The following FOLH1 variants were observed in gnomAD, a reference collection of about 807,000 sequenced individuals.
FOLH1 encodes folate hydrolase 1, also known as glutamate carboxypeptidase 2.
In FOLH1, 54 loss-of-function variants were observed where a neutral mutation model predicts 93.9. The ratio of observed to expected loss-of-function variants is 0.57; its 90% CI spans 0.46 to 0.72. The LOEUF is 0.72. Ranked by LOEUF, FOLH1 falls within the 30% of genes least tolerant of loss-of-function variation. The pLI, the probability that FOLH1 is intolerant of heterozygous loss-of-function variation, is 0.00. For missense variants in FOLH1, 571 were observed against 892.5 expected (o/e 0.64, Z 4.59); for synonymous variants, 249 against 303.6 (o/e 0.82, Z 1.87).
At chr11:49,205,066 T>C (rs1461908262) in intron 2 of FOLH1, among the ~76,000 whole-genome samples, 1 of 151,826 alleles carries the variant, frequency 6.6e-6, no homozygotes, top group African/African-American at 2.4e-5. Context: ...CAAAATTAGC[T>C]GGGTGTGGTG....
chr11:49,159,179 T>C (rs1056607132), intron 13 of FOLH1, among the ~76,000 whole-genome samples: 1 of 152,134 alleles, frequency 6.6e-6, no homozygotes, highest in Non-Finnish European at 1.5e-5. Flanking sequence ...TGAATAGGAG[T>C]GATTAGAGAA....
rs140102206 is a variant in FOLH1 at position 49,188,390 on chromosome 11, T to C, written c.514-1621A>G. Among the ~76,000 whole-genome samples the C allele has an allele frequency of 5.9e-3, 889 of 151,770 alleles. 9 individuals carry two copies. Among genetic ancestry groups the C allele is most frequent in the African/African-American group, 0.021 (850 of 41,382 alleles). ...ATCAGCTGGGCGTGGTGGCACCGCC[T>C]GTAATCCCAGCTACTCGGGGGCTGA... On this transcript the variant is annotated intron_variant, in intron 4 of 18. Transcript: ENST00000256999.
At chr11:49,168,538 A>G (rs1858746932) in intron 12 of FOLH1, among the ~76,000 whole-genome samples, 1 of 152,102 alleles carries the variant, frequency 6.6e-6, no homozygotes, top group Non-Finnish European at 1.5e-5. Flanking sequence ...GAACTCCCAG[A>G]GTGGTTTTAT....
chr11:49,191,423 G>C (rs1355425179), intron 4 of FOLH1, among the ~76,000 whole-genome samples: 1 of 152,190 alleles, frequency 6.6e-6, no homozygotes, highest in East Asian at 1.9e-4. Flanking sequence ...AAACTCATCT[G>C]ATATTTGAAC....
At position 49,186,652 on chromosome 11, in the gene FOLH1, C is replaced by T. The variant is rs1162830572; in HGVS notation, c.631G>A (p.Gly211Arg). 2 of 1,612,562 alleles carry T rather than the reference C, an allele frequency of 1.2e-6. No individual in the cohort carries two copies. Residue 211 changes from glycine (G) to arginine (R), a missense_variant, in exon 5 of 19, where the codon GGA (glycine) becomes AGA (arginine). Transcript: ENST00000256999. ...GATAATTTTTACCTTACCTTATTTCCTCTGAAAACTTTCCCATATCTGGCA... is the reference window on the plus strand; with the variant it reads ...GATAATTTTTACCTTACCTTATTTCTTCTGAAAACTTTCCCATATCTGGCA... ...VIARYGKVFR[G>R]NKVKNAQLAG...
At chr11:49,167,907 A>G (rs1008905896) in intron 12 of FOLH1, among the ~76,000 whole-genome samples, 1 of 101,618 alleles carries the variant, frequency 9.8e-6, no homozygotes, top group African/African-American at 3.9e-5. Context: ...GAAACAAAAA[A>G]ACACACACAA....
intron 17 of FOLH1, among the ~76,000 whole-genome samples, chr11:49,152,071 T>G (rs1297684034): frequency 6.6e-6 from 1 of 152,160 alleles, no homozygotes; most frequent in Admixed American, 6.5e-5. Flanking sequence ...TTTTGCTTAC[T>G]TCATATTTTA....
intron 3 of FOLH1, among the ~76,000 whole-genome samples, chr11:49,197,126 T>C (rs1381531081): frequency 6.6e-6 from 1 of 152,202 alleles, no homozygotes; most frequent in African/African-American, 2.4e-5. Context: ...AGAAAAATTA[T>C]GCTGAGGTGC....
intron 2 of FOLH1, among the ~76,000 whole-genome samples, chr11:49,205,117 T>C (rs546493394): frequency 6.6e-6 from 1 of 152,060 alleles, no homozygotes; most frequent in East Asian, 1.9e-4. Flanking sequence ...GGCATGAGAA[T>C]CGCTTGTACC....
intron 4 of FOLH1, among the ~76,000 whole-genome samples, chr11:49,190,974 T>C (rs113521966): frequency 6.6e-6 from 1 of 152,288 alleles, no homozygotes; most frequent in African/African-American, 2.4e-5. Context: ...AAGTGTGAAA[T>C]TGAAGAACCC....
chr11:49,175,127 A>G (rs1859852257), intron 8 of FOLH1, 150 bp from the exon 9 acceptor site: 5 of 716,172 alleles, frequency 7.0e-6, no homozygotes, highest in Non-Finnish European at 1.2e-5. Context: ...AGGCATACAA[A>G]CTTACTAACA....
At position 49,154,591 on chromosome 11, in the gene FOLH1, G is replaced by A. The variant is rs566676038; in HGVS notation, c.1624-99C>T. ...AGTATTAGTAAGATTGGTCAGTGAT[G>A]GATCAAGGAAAGTACTTAAGCATCT... On this transcript the variant is annotated intron_variant, in intron 15 of 18. Transcript: ENST00000256999. 1.2e-3 allele frequency: 1,808 copies of A among 1,509,074 alleles called. 35 individuals carry two copies. The South Asian group carries it at 0.023, about 19-fold the overall frequency. 93.5% of individuals were successfully genotyped at this position (1,509,074 alleles called of 1,614,324 possible). A position where few individuals can be genotyped will look rare whatever the true frequency, so the allele number is the denominator to read the frequency against.
At position 49,146,750 on chromosome 11, in the gene FOLH1, A is replaced by G; in HGVS notation, c.*6T>C. The G allele has an allele frequency of 6.3e-7, 1 of 1,596,692 alleles. No homozygotes were observed. The highest frequency in any genetic ancestry group is 1.3e-5 in the African/African-American group (1 of 74,414). On this transcript the variant is annotated 3_prime_UTR_variant, in exon 19 of 19. Transcript: ENST00000256999. ...AAATTCAATACGGATTCTCTAAAGA[A>G]TCCTCTTAGGCTACTTCACTCAAAG...
At chr11:49,172,069 A>C (rs992460480) in intron 10 of FOLH1, among the ~76,000 whole-genome samples, 22 of 152,076 alleles carry the variant, frequency 1.4e-4, no homozygotes, top group Admixed American at 1.2e-3. Flanking sequence ...ATCTTAGTAA[A>C]TATTCATGTG....
rs746064073 is a variant in FOLH1 at position 49,148,656 on chromosome 11, T to C, written c.2046A>G (p.Pro682=). 1 of 1,600,852 alleles carries C rather than the reference T, an allele frequency of 6.2e-7. No individual in the cohort carries two copies. Among genetic ancestry groups the C allele is most frequent in the East Asian group, 2.3e-5 (1 of 44,332 alleles). Residue 682 remains proline, a synonymous_variant, in exon 18 of 19, where the codon CCA becomes CCG. Transcript: ENST00000256999. ...ERAFIDPLGL[P]DRPFYRHVIY... ...TTTCTTACCTATAAAAAGGCCTGTC[T>C]GGTAACCCTAATGGATCAATAAATG... is the stretch of plus-strand genomic sequence containing the variant.
chr11:49,153,048 T>C (rs1856648044), intron 17 of FOLH1, among the ~76,000 whole-genome samples: 1 of 152,166 alleles, frequency 6.6e-6, no homozygotes, highest in Non-Finnish European at 1.5e-5. Flanking sequence ...CATCATCTAC[T>C]GTAATCTTTT....
At chr11:49,192,563 G>A (rs1862194993) in intron 4 of FOLH1, among the ~76,000 whole-genome samples, 1 of 152,152 alleles carries the variant, frequency 6.6e-6, no homozygotes. Flanking sequence ...CAATAAATGT[G>A]CATTTGGGAT....
At chr11:49,196,356 G>C (rs558998371) in intron 3 of FOLH1, among the ~76,000 whole-genome samples, 126 of 152,084 alleles carry the variant, frequency 8.3e-4, no homozygotes, top group Non-Finnish European at 1.4e-3. Context: ...TCCACAAACA[G>C]AGTCAAGGCC....
intron 4 of FOLH1, among the ~76,000 whole-genome samples, chr11:49,188,512 CAA>C (rs149444698): frequency 1.5e-5 from 2 of 130,930 alleles, no homozygotes. Context: ...GACTTGGTCT[CAA>C]AAAAAAAAAA....
Sources: allele counts gnomAD v4.1 joint callset (sites outside exome capture counted in the v4.1 genomes callset), GRCh38; gene constraint gnomAD v4.1.1; transcripts MANE v1.5; gene names NCBI Gene and HGNC (gene_info 2026-07-23, HGNC 2026-07-21).